The following PDCD10 variants were observed in gnomAD, a reference collection of about 807,000 sequenced individuals.
PDCD10 encodes programmed cell death protein 10.
In PDCD10, 4 loss-of-function variants were observed where a neutral mutation model predicts 29.2. The observed-to-expected ratio is 0.14, with a 90% CI of 0.07 to 0.31. The LOEUF (loss-of-function observed/expected upper bound fraction) is 0.31, where lower values mean the gene tolerates loss of function less well. Among genes scored for constraint, PDCD10 ranks in the 10% least tolerant of loss-of-function variants. PDCD10 has a pLI of 1.00. For synonymous variants in PDCD10, 70 were observed against 82.2 expected, an observed-to-expected ratio of 0.85 and a Z score of 0.80; for missense variants, 183 against 257.9, an observed-to-expected ratio of 0.71 and a Z score of 1.99.
intron 6 of PDCD10, among the ~76,000 whole-genome samples, chr3:167,690,992 G>A (rs987385160): frequency 1.3e-5 from 2 of 152,110 alleles, no homozygotes; most frequent in African/African-American, 4.8e-5. Context: ...ACAATCTATA[G>A]CATCACCTAT....
intron 2 of PDCD10, 86 bp from the exon 3 acceptor site, chr3:167,720,359 G>C (rs1323480189): frequency 9.2e-6 from 5 of 544,528 alleles, no homozygotes; most frequent in Admixed American, 3.2e-5. Flanking sequence ...AAATTACAGA[G>C]TTCCTATTTT....
At position 167,725,761 on chromosome 3, in the gene PDCD10, GTTTATATA is replaced by G. The variant is rs1411568420; in HGVS notation, c.-116-5496_-116-5489del. On this transcript the variant is annotated intron_variant, in intron 2 of 8. Transcript: ENST00000392750. ...GTATATAGCACTTTACCATTGTATC[GTTTATATA>G]TATATATATATATATATATATATAT... 2.2e-4 allele frequency among the ~76,000 whole-genome samples: 12 copies of G among 54,720 alleles called. 1 individual carries two copies. The East Asian group carries it at 5.0e-3, about 23-fold the overall frequency. The allele number at this position is 54,720 out of a possible 152,430, so 35.9% of individuals were successfully genotyped here.
Position 167,720,090 on chromosome 3 carries a change from T to A in PDCD10, c.68A>T (p.Tyr23Phe). 6.2e-7 allele frequency: 1 copy of A among 1,610,890 alleles called. No homozygotes were observed. Among genetic ancestry groups the A allele is most frequent in the East Asian group, 2.2e-5 (1 of 44,814 alleles). ...ATTAAACACAGGATACATGACTGCA[T>A]AGAGGGGCATAGAAACCATGGATGT... ...ETTSMVSMPL[Y>F]AVMYPVFNEL... The change falls in exon 3 of 9, where the codon TAT (tyrosine) becomes TTT (phenylalanine). Residue 23 changes from tyrosine to phenylalanine, a missense_variant. Tyr to Phe is a conservative substitution (Grantham distance 22). Transcript: ENST00000392750.
At chr3:167,719,805 T>C (rs1723391349) in intron 3 of PDCD10, among the ~76,000 whole-genome samples, 1 of 152,122 alleles carries the variant, frequency 6.6e-6, no homozygotes, top group Non-Finnish European at 1.5e-5. Flanking sequence ...TAGTACTTCA[T>C]CACCATTGTT....
chr3:167,721,385 T>G (rs1723545121), intron 2 of PDCD10, among the ~76,000 whole-genome samples: 1 of 152,034 alleles, frequency 6.6e-6, no homozygotes, highest in Non-Finnish European at 1.5e-5. Flanking sequence ...CAAAACCAAA[T>G]TTGAAGTGGA....
intron 2 of PDCD10, among the ~76,000 whole-genome samples, chr3:167,723,636 TAAC>T (rs1400660576): frequency 1.3e-5 from 2 of 152,220 alleles, no homozygotes; most frequent in East Asian, 1.9e-4. Flanking sequence ...GTTGGTATGA[TAAC>T]AACATAGCAA....
chr3:167,725,523 G>A (rs1229788233), intron 2 of PDCD10: 1 of 151,698 alleles, frequency 6.6e-6, no homozygotes, highest in Non-Finnish European at 1.5e-5. Flanking sequence ...ATCCTACTTA[G>A]AGTAAAATGA....
intron 2 of PDCD10, among the ~76,000 whole-genome samples, chr3:167,733,513 T>C (rs1725034041): frequency 6.6e-6 from 1 of 152,190 alleles, no homozygotes; most frequent in South Asian, 2.1e-4. Flanking sequence ...AGAGCCCAAT[T>C]TTATTATTTG....
chr3:167,712,221 T>C (rs1722591721), intron 3 of PDCD10, among the ~76,000 whole-genome samples: 1 of 151,956 alleles, frequency 6.6e-6, no homozygotes, highest in Non-Finnish European at 1.5e-5. Flanking sequence ...AACCGTACAA[T>C]AAGACGTAAA....
At chr3:167,693,312 A>G (rs2108395369) in intron 6 of PDCD10, among the ~76,000 whole-genome samples, 1 of 152,354 alleles carries the variant, frequency 6.6e-6, no homozygotes, top group South Asian at 2.1e-4. Flanking sequence ...GAACATATGT[A>G]CTGCAAAATC....
At chr3:167,694,933 T>C (rs542799972) in intron 6 of PDCD10, among the ~76,000 whole-genome samples, 32 of 152,370 alleles carry the variant, frequency 2.1e-4, no homozygotes, top group African/African-American at 7.7e-4. Context: ...CAGCTTTCTT[T>C]GTTTTTTATC....
intron 1 of PDCD10, 68 bp downstream of exon 1, chr3:167,734,594 G>C (rs1027293345): frequency 1.3e-5 from 2 of 152,432 alleles, no homozygotes; most frequent in Admixed American, 1.3e-4. Context: ...GGAGGCGTTC[G>C]GGCCCAAGCC....
chr3:167,698,144 A>G (rs1213167730), intron 4 of PDCD10, among the ~76,000 whole-genome samples: 1 of 152,140 alleles, frequency 6.6e-6, no homozygotes. Context: ...CCATTATAAC[A>G]TCTTGTTTCT....
intron 6 of PDCD10, among the ~76,000 whole-genome samples, chr3:167,688,085 T>G (rs1406530074): frequency 6.6e-6 from 1 of 152,242 alleles, no homozygotes; most frequent in African/African-American, 2.4e-5. Flanking sequence ...AGCTACCATG[T>G]TCTCTACTTT....
intron 4 of PDCD10, chr3:167,697,857 C>T (rs1010932444): frequency 8.9e-6 from 4 of 451,952 alleles, no homozygotes; most frequent in African/African-American, 8.0e-5. Context: ...TTACCAAAGC[C>T]AGAGTTAATC....
At chr3:167,686,908 G>A (rs1719683647) in intron 8 of PDCD10, among the ~76,000 whole-genome samples, 1 of 152,290 alleles carries the variant, frequency 6.6e-6, no homozygotes, top group South Asian at 2.1e-4. Context: ...TTAAAACACA[G>A]TCACACCCCC....
At chr3:167,731,440 T>C (rs535730857) in intron 2 of PDCD10, among the ~76,000 whole-genome samples, 84 of 152,334 alleles carry the variant, frequency 5.5e-4, no homozygotes, top group African/African-American at 2.0e-3. Flanking sequence ...TATATTAAAA[T>C]TCTGTCAATG....
chr3:167,722,183 CAAGT>C (rs1723635274), intron 2 of PDCD10, among the ~76,000 whole-genome samples: 1 of 152,000 alleles, frequency 6.6e-6, no homozygotes, highest in Non-Finnish European at 1.5e-5. Flanking sequence ...AATGAAAAAT[CAAGT>C]AAGAAATGGC....
chr3:167,712,892 G>A (rs1235203237), intron 3 of PDCD10, among the ~76,000 whole-genome samples: 1 of 151,982 alleles, frequency 6.6e-6, no homozygotes, highest in African/African-American at 2.4e-5. Flanking sequence ...GGTCAATTCA[G>A]TAAGAGGATA....
Sources: gnomAD v4.1 joint callset for allele counts (sites outside exome capture counted in the v4.1 genomes callset) on GRCh38, gnomAD v4.1.1 for gene constraint, MANE v1.5 for transcripts, NCBI Gene and HGNC (gene_info 2026-07-23, HGNC 2026-07-21) for gene names.